Variants in PWWP3A observed in about 807,000 individuals in gnomAD.
PWWP3A encodes PWWP domain-containing DNA repair factor 3A.
In PWWP3A, 53 loss-of-function variants were observed where a neutral mutation model predicts 79.0. The ratio of observed to expected loss-of-function variants is 0.67; its 90% CI spans 0.54 to 0.84. The LOEUF (loss-of-function observed/expected upper bound fraction) is 0.84, where lower values mean the gene tolerates loss of function less well. Ranked by LOEUF, PWWP3A falls within the 40% of genes least tolerant of loss-of-function variation. PWWP3A has a pLI of 0.00. For synonymous variants in PWWP3A, 443 were observed against 394.4 expected (o/e 1.12, Z -1.46); for missense variants, 973 against 948.0 (o/e 1.03, Z -0.35).
At chr19:1,376,216 C>T (rs1267337044) in intron 13 of PWWP3A, among the ~76,000 whole-genome samples, 1 of 150,120 alleles carries the variant, frequency 6.7e-6, no homozygotes, top group African/African-American at 2.5e-5. Flanking sequence ...AGCACCACCT[C>T]CCGGTTTCAA....
rs1366314326 is a variant in PWWP3A at position 1,377,540 on chromosome 19, G to C, written c.*964G>C. 2.0e-5 allele frequency: 3 copies of C among 152,424 alleles called. No homozygotes were observed. The highest frequency in any genetic ancestry group is 7.2e-5 in the African/African-American group (3 of 41,476). 9.4% of individuals were successfully genotyped at this position (152,424 alleles called of 1,614,324 possible). On this transcript the variant is annotated 3_prime_UTR_variant, in exon 14 of 14. Transcript: ENST00000591337. Reference sequence around the variant, plus strand: ...AAGCGGCTTCCGGGGTGTGGCTGCCGGGTCGGCTCTGGTCCACAGCACGGT... The same window carrying C: ...AAGCGGCTTCCGGGGTGTGGCTGCCCGGTCGGCTCTGGTCCACAGCACGGT...
intron 5 of PWWP3A, 132 bp downstream of exon 5, chr19:1,361,164 A>G (rs994329519): frequency 2.4e-6 from 2 of 838,822 alleles, no homozygotes; most frequent in Non-Finnish European, 3.3e-6. Context: ...GACTTAGAGC[A>G]GAGACTTCCT....
chr19:1,364,053 G>T, intron 6 of PWWP3A: 1 of 448,984 alleles, frequency 2.2e-6, no homozygotes, highest in South Asian at 1.6e-5. Context: ...ATTTTTGACT[G>T]TAGTTTCCCA....
intron 13 of PWWP3A, among the ~76,000 whole-genome samples, chr19:1,375,585 G>GTATATATTATATATAAAATC (rs1201541387): frequency 8.0e-5 from 1 of 12,466 alleles, no homozygotes; most frequent in Non-Finnish European, 2.0e-4. Flanking sequence ...TATATAAAAT[G>GTATATATTATATATAAAATC]TATAATTTTA....
At chr19:1,365,230 T>G (rs905610168) in intron 7 of PWWP3A, among the ~76,000 whole-genome samples, 2 of 152,258 alleles carry the variant, frequency 1.3e-5, no homozygotes, top group Non-Finnish European at 2.9e-5. Flanking sequence ...GTTGGTTGCA[T>G]GTGTACAAAC....
At chr19:1,363,382 C>G (rs1222937671) in intron 6 of PWWP3A, among the ~76,000 whole-genome samples, 1 of 152,282 alleles carries the variant, frequency 6.6e-6, no homozygotes, top group African/African-American at 2.4e-5. Flanking sequence ...TCACCAAACC[C>G]TGCCCCACCC....
intron 12 of PWWP3A, 125 bp downstream of exon 12, chr19:1,371,203 G>GTGGA (rs2082251899): frequency 9.4e-7 from 1 of 1,064,900 alleles, no homozygotes; most frequent in East Asian, 2.6e-5. Context: ...CCAACGGAGC[G>GTGGA]TGGAGGCCTC....
intron 6 of PWWP3A, chr19:1,364,263 G>T (rs2144725018): frequency 1.5e-6 from 1 of 654,670 alleles, no homozygotes; most frequent in South Asian, 1.4e-5. Flanking sequence ...TCGCAGCTGG[G>T]AACCCAGTGC....
At chr19:1,367,100 G>C in intron 8 of PWWP3A, 60 bp from the exon 9 acceptor site, 1 of 1,392,652 alleles carries the variant, frequency 7.2e-7, no homozygotes. Flanking sequence ...GACAGGGAAA[G>C]GTTTTTAGCT....
At chr19:1,375,087 C>T (rs898229871) in intron 13 of PWWP3A, among the ~76,000 whole-genome samples, 2 of 150,934 alleles carry the variant, frequency 1.3e-5, no homozygotes, top group Non-Finnish European at 2.9e-5. Flanking sequence ...AGCATGGTGG[C>T]ACGCGCCTAT....
At chr19:1,364,163 G>A (rs999710798) in intron 6 of PWWP3A, 10 of 539,860 alleles carry the variant, frequency 1.9e-5, no homozygotes, top group African/African-American at 3.8e-5. Context: ...GTGTCTTCCC[G>A]CGGGGTTTAG....
At position 1,373,149 on chromosome 19, in the gene PWWP3A, G is replaced by T; in HGVS notation, c.2064G>T (p.Ser688=). The change falls in exon 13 of 14, where the codon TCG becomes TCT. Residue 688 remains serine (S), a synonymous_variant. Transcript: ENST00000591337. ...TAEEKYIKGP[S]LSYREKEIFD... ...AGGAGAAGTACATCAAGGGGCCTTC[G>T]CTGAGCTACCGGTAGGCCGCTCCCG... 6.2e-7 allele frequency: 1 copy of T among 1,614,122 alleles called. No homozygotes were observed. The highest frequency in any genetic ancestry group is 8.5e-7 in the Non-Finnish European group (1 of 1,179,998).
chr19:1,364,274 A>G, intron 6 of PWWP3A: 2 of 666,814 alleles, frequency 3.0e-6, no homozygotes, highest in Non-Finnish European at 5.6e-6. Context: ...AACCCAGTGC[A>G]GCACCCCACT....
rs779412098 is a variant in PWWP3A at position 1,371,187 on chromosome 19, C to G, written c.1986+109C>G. 6.3e-6 allele frequency: 8 copies of G among 1,275,834 alleles called. No individual in the cohort carries two copies. In the Admixed American group the frequency reaches 7.9e-5, roughly 13 times the overall value. The allele number at this position is 1,275,834 out of a possible 1,614,324, so 79.0% of individuals were successfully genotyped here. On this transcript the variant is annotated intron_variant, in intron 12 of 13. Transcript: ENST00000591337. ...TCCTCGCCCCTGCTCCCTGGCCGTT[C>G]GGCGGCCAACGGAGCGTGGAGGCCT...
At chr19:1,373,193 T>G in intron 13 of PWWP3A, 33 bp downstream of exon 13, 1 of 1,586,044 alleles carries the variant, frequency 6.3e-7, no homozygotes, top group Non-Finnish European at 8.6e-7. Context: ...TCCAGCCACT[T>G]GCGTCTCTGC....
chr19:1,359,910 G>A, intron 4 of PWWP3A: 1 of 435,716 alleles, frequency 2.3e-6, no homozygotes, highest in Non-Finnish European at 4.0e-6. Context: ...CAATAAATTT[G>A]GTTTTTAAAA....
Position 1,360,677 on chromosome 19 carries a change from C to G in PWWP3A, c.756C>G (p.Ala252=). The G allele has an allele frequency of 6.2e-7, 1 of 1,613,254 alleles. No individual in the cohort carries two copies. Reference sequence around the variant, plus strand: ...GGAGCAAAGGAGGCAGCTGGGCAGCCCCGTCCTTGCCCTCCGGGGTCAGGG... The same window carrying G: ...GGAGCAAAGGAGGCAGCTGGGCAGCGCCGTCCTTGCCCTCCGGGGTCAGGG... ...DMGSKGGSWA[A]PSLPSGVRED... Residue 252 remains alanine, a synonymous_variant, in exon 5 of 14, where the codon GCC becomes GCG. Transcript: ENST00000591337. This position sits in a 1 kb window ranked among gnomAD's most constrained non-coding sequence, Gnocchi z 4.4.
chr19:1,361,173 C>G (rs890866828), intron 5 of PWWP3A, 141 bp downstream of exon 5: 7 of 768,434 alleles, frequency 9.1e-6, no homozygotes, highest in African/African-American at 1.8e-5. Flanking sequence ...CAGAGACTTC[C>G]TCATTCCTTT....
At position 1,358,831 on chromosome 19, in the gene PWWP3A, T is replaced by C. The variant is rs989754376; in HGVS notation, c.214+367T>C. 2.5e-5 allele frequency: 13 copies of C among 523,634 alleles called. No homozygotes were observed. The African/African-American group carries it at 2.5e-4, about 10-fold the overall frequency. The allele number at this position is 523,634 out of a possible 1,614,324, so 32.4% of individuals were successfully genotyped here. A position where few individuals can be genotyped will look rare whatever the true frequency, so the allele number is the denominator to read the frequency against. ...TATAGTAAGATTTGCTGTGGTACTG[T>C]CGCTGCCTGGCCAGTCTGGTCTCAG... On this transcript the variant is annotated intron_variant, in intron 4 of 13. Coordinates refer to ENST00000591337, the MANE Select transcript of PWWP3A (RefSeq NM_001369789.1).
Sources: gnomAD v4.1 joint callset for allele counts (sites outside exome capture counted in the v4.1 genomes callset) on GRCh38, gnomAD v4.1.1 for gene constraint, Gnocchi (gnomAD v3.1) non-coding constraint, MANE v1.5 for transcripts, NCBI Gene and HGNC (gene_info 2026-07-23, HGNC 2026-07-21) for gene names.